ZNF503: variants seen among roughly 807,000 people sequenced by gnomAD.
ZNF503 encodes NocA-like zinc finger 2.
Under a neutral mutation model 34.4 loss-of-function variants are expected in ZNF503, and 15 were observed. The ratio of observed to expected loss-of-function variants is 0.44; its 90% CI spans 0.29 to 0.67. ZNF503 has a LOEUF of 0.67. ZNF503 is among the 30% of genes least tolerant of loss of function. The pLI, the probability that ZNF503 is intolerant of heterozygous loss-of-function variation, is 0.13. For missense variants in ZNF503, 1,007 were observed against 926.8 expected (o/e 1.09, Z -1.12); for synonymous variants, 580 against 456.8 (o/e 1.27, Z -3.44).
At chr10:75,333,951 A>G in the ZNF503 span, among the ~76,000 whole-genome samples, 1 of 76,140 alleles carries the variant, frequency 1.3e-5, no homozygotes, top group African/African-American at 7.2e-5. Flanking sequence ...GCGGCCCGGC[A>G]GAGACGCTCC....
At chr10:75,392,537 G>A in the ZNF503 span, among the ~76,000 whole-genome samples, 1 of 152,234 alleles carries the variant, frequency 6.6e-6, no homozygotes, top group Non-Finnish European at 1.5e-5. Flanking sequence ...CAGGGAAGGA[G>A]TGTATGATGG....
the ZNF503 span, among the ~76,000 whole-genome samples, chr10:75,389,893 TTTTTA>T: frequency 6.6e-6 from 1 of 152,196 alleles, no homozygotes; most frequent in African/African-American, 2.4e-5. Flanking sequence ...TGTATTCAGT[TTTTTA>T]TTTTTATTTT....
Position 75,401,590 on chromosome 10 carries a change from A to G in ZNF503, c.-171T>C. 3 of 753,982 alleles carry G rather than the reference A, an allele frequency of 4.0e-6. No individual in the cohort carries two copies. In the South Asian group the frequency reaches 4.9e-5, roughly 12 times the overall value. The allele number at this position is 753,982 out of a possible 1,614,324, so 46.7% of individuals were successfully genotyped here. On this transcript the variant is annotated 5_prime_UTR_variant, in exon 1 of 2. Transcript: ENST00000372524. The stretch of plus-strand genomic sequence containing the variant: ...CGGCGCCTGGAGCCAGACGCGAGTA[A>G]TCCTGGGTGGCCCGCAGCGGAGCCG...
chr10:75,382,691 TTC>T, the ZNF503 span: 20 of 345,960 alleles, frequency 5.8e-5, 1 homozygote, highest in South Asian at 4.0e-4. Context: ...AAAAGTGGTT[TTC>T]TCTCTTTTCT....
At chr10:75,308,619 G>A in the ZNF503 span, among the ~76,000 whole-genome samples, 23 of 152,174 alleles carry the variant, frequency 1.5e-4, no homozygotes, top group Admixed American at 1.4e-3. Context: ...ATAGGAGGAG[G>A]TAAAAATATC....
chr10:75,396,823 G>A (rs1409849904), downstream of ZNF503, among the ~76,000 whole-genome samples: 6 of 152,098 alleles, frequency 3.9e-5, no homozygotes, highest in Admixed American at 3.3e-4. This position sits in a 1 kb window ranked among gnomAD's most constrained non-coding sequence, Gnocchi z 4.4. Context: ...GGGAGGGGGC[G>A]CTGGGTCTCG....
At chr10:75,280,048 A>AT in the ZNF503 span, 1 of 152,144 alleles carries the variant, frequency 6.6e-6, no homozygotes. Flanking sequence ...AGGTATATTT[A>AT]TTTTTTTACC....
chr10:75,327,656 T>C, the ZNF503 span, among the ~76,000 whole-genome samples: 3 of 152,208 alleles, frequency 2.0e-5, no homozygotes, highest in African/African-American at 7.2e-5. Context: ...CTATTTGTAG[T>C]TTTTTGAGGA....
At chr10:75,378,604 T>C in the ZNF503 span, among the ~76,000 whole-genome samples, 1 of 152,106 alleles carries the variant, frequency 6.6e-6, no homozygotes, top group African/African-American at 2.4e-5. Flanking sequence ...TCTGAAAGTA[T>C]GCCTGTCAAT....
At chr10:75,341,954 C>T in the ZNF503 span, among the ~76,000 whole-genome samples, 3 of 152,308 alleles carry the variant, frequency 2.0e-5, no homozygotes, top group South Asian at 6.2e-4. Context: ...CACAGATTAA[C>T]ATTTTCCCTT....
chr10:75,363,200 A>G, the ZNF503 span, among the ~76,000 whole-genome samples: 1 of 152,140 alleles, frequency 6.6e-6, no homozygotes, highest in Admixed American at 6.5e-5. Context: ...CCTTTACCCC[A>G]CAGCTAGGCT....
At chr10:75,310,734 T>C in the ZNF503 span, among the ~76,000 whole-genome samples, 1 of 152,114 alleles carries the variant, frequency 6.6e-6, no homozygotes, top group South Asian at 2.1e-4. Flanking sequence ...TGCCTGTAAA[T>C]AATGAGGAGC....
the ZNF503 span, among the ~76,000 whole-genome samples, chr10:75,326,411 T>C: frequency 6.6e-6 from 1 of 152,196 alleles, no homozygotes; most frequent in Non-Finnish European, 1.5e-5. Context: ...ATAAGTGTGC[T>C]GGTTATAAAT....
At chr10:75,293,940 C>A in the ZNF503 span, among the ~76,000 whole-genome samples, 1 of 152,178 alleles carries the variant, frequency 6.6e-6, no homozygotes. Flanking sequence ...CAGCCCAGGG[C>A]TCTTCTCTGA....
chr10:75,289,227 G>A, the ZNF503 span, among the ~76,000 whole-genome samples: 4 of 152,324 alleles, frequency 2.6e-5, no homozygotes, highest in East Asian at 7.7e-4. Context: ...TGGTGGGACA[G>A]AGGGCCATGC....
At chr10:75,342,724 C>T in the ZNF503 span, among the ~76,000 whole-genome samples, 1 of 152,012 alleles carries the variant, frequency 6.6e-6, no homozygotes, top group Non-Finnish European at 1.5e-5. Flanking sequence ...CTTTGATACA[C>T]GAGTTGTCCC....
chr10:75,280,555 CGT>C, the ZNF503 span, among the ~76,000 whole-genome samples: 17,541 of 146,100 alleles, frequency 0.12, 1,311 homozygotes, highest in East Asian at 0.22. Flanking sequence ...GGTGTGTATG[CGT>C]GTGTGTGTGT....
the ZNF503 span, among the ~76,000 whole-genome samples, chr10:75,333,660 C>T: frequency 9.0e-5 from 3 of 33,212 alleles, no homozygotes; most frequent in Non-Finnish European, 1.1e-4. Flanking sequence ...CCCTCCGGGA[C>T]GGCACGGCTG....
At chr10:75,347,000 G>C in the ZNF503 span, among the ~76,000 whole-genome samples, 2 of 152,084 alleles carry the variant, frequency 1.3e-5, no homozygotes, top group Non-Finnish European at 2.9e-5. Context: ...ATAGCCAGTC[G>C]TGTCTGGGCC....
Sources: allele counts gnomAD v4.1 joint callset (sites outside exome capture counted in the v4.1 genomes callset), GRCh38; gene constraint gnomAD v4.1.1; non-coding constraint Gnocchi (gnomAD v3.1); transcripts MANE v1.5; gene names NCBI Gene and HGNC (gene_info 2026-07-23, HGNC 2026-07-21).